Variants in ADGRD1 observed in about 807,000 individuals in gnomAD.
ADGRD1 encodes adhesion G protein-coupled receptor D1, also known as G-protein coupled receptor 133.
In ADGRD1, 77 loss-of-function variants were observed where a neutral mutation model predicts 113.4. The observed-to-expected ratio is 0.68, with a 90% confidence interval of 0.57 to 0.82. The LOEUF is 0.82. ADGRD1 is among the 40% of genes least tolerant of loss of function. The pLI is 0.00. For synonymous variants in ADGRD1, 474 were observed against 475.0 expected, an observed-to-expected ratio of 1.00 and a Z score of 0.03; for missense variants, 1,036 against 1,139.1, an observed-to-expected ratio of 0.91 and a Z score of 1.30.
intron 12 of ADGRD1, among the ~76,000 whole-genome samples, chr12:131,006,518 G>A (rs1446468851): frequency 6.6e-6 from 1 of 152,190 alleles, no homozygotes; most frequent in Non-Finnish European, 1.5e-5. Flanking sequence ...CGGGGACCCC[G>A]AGGACGCCGT....
At chr12:131,034,916 C>T (rs1427273959) in intron 13 of ADGRD1, among the ~76,000 whole-genome samples, 1 of 152,218 alleles carries the variant, frequency 6.6e-6, no homozygotes, top group African/African-American at 2.4e-5. Flanking sequence ...CCCACGCCTA[C>T]AGCTGCTCCT....
intron 14 of ADGRD1, among the ~76,000 whole-genome samples, chr12:131,077,756 G>C (rs1282969748): frequency 3.3e-5 from 5 of 151,764 alleles, no homozygotes; most frequent in African/African-American, 1.2e-4. Context: ...TTGTTTTTTT[G>C]AGACAGGGTC....
chr12:130,989,916 A>G (rs1303301810), intron 6 of ADGRD1: 7 of 152,264 alleles, frequency 4.6e-5, no homozygotes, highest in Admixed American at 6.5e-5. Context: ...AGATACGTGT[A>G]ATCGGAAAGC....
rs903184478 is a variant in ADGRD1 at position 131,139,257 on chromosome 12, C to A, written c.2619C>A (p.Ala873=). The change falls in exon 25 of 25, where the codon GCC becomes GCA. Residue 873 remains alanine, a synonymous_variant. Coordinates refer to ENST00000261654, the MANE Select transcript of ADGRD1 (RefSeq NM_198827.5). ...CTGCCCACCGCGTCGACCTGTCAGC[C>A]GTGTGAGCCGGGAGGCTGCCAACCA... The part of the protein sequence containing the change: ...SHSAHRVDLS[A]V The A allele has an allele frequency of 1.2e-6, 2 of 1,611,086 alleles. No homozygotes were observed. The highest frequency in any genetic ancestry group is 8.5e-7 in the Non-Finnish European group (1 of 1,178,804).
intron 23 of ADGRD1, 62 bp downstream of exon 23, chr12:131,137,076 A>G (rs1430766186): frequency 2.2e-6 from 3 of 1,343,868 alleles, no homozygotes; most frequent in African/African-American, 2.9e-5. Flanking sequence ...CCGAAAGGTC[A>G]CAGGAGCAGG....
rs141071968 is a variant in ADGRD1, at chr12:130,992,260, C to T, written c.834C>T (p.Pro278=). 6.0e-5 allele frequency: 97 copies of T among 1,613,048 alleles called. No homozygotes were observed. In the African/African-American group the frequency reaches 9.7e-4, roughly 16 times the overall value. The change falls in exon 8 of 25, where the codon CCC becomes CCT. Residue 278 remains proline, a synonymous_variant. Coordinates refer to ENST00000261654, the MANE Select transcript of ADGRD1 (RefSeq NM_198827.5). ...AGATGCCCACAGATGCCTACCATCCCATCATAACCAACCTGACAGAAGAGA... is the reference window on the plus strand; with the variant it reads ...AGATGCCCACAGATGCCTACCATCCTATCATAACCAACCTGACAGAAGAGA... ...SPVMPTDAYH[P]IITNLTEERK...
At chr12:131,051,593 C>T (rs762989836) in intron 13 of ADGRD1, among the ~76,000 whole-genome samples, 2 of 151,556 alleles carry the variant, frequency 1.3e-5, no homozygotes, top group Non-Finnish European at 2.9e-5. Context: ...AAGCTATTCT[C>T]GTCCTTCAGC....
In ADGRD1 at chr12:130,966,902, G is replaced by A. The variant is rs1176101166; in HGVS notation, c.187+356G>A. On this transcript the variant is annotated intron_variant, in intron 3 of 24. Coordinates refer to ENST00000261654, the MANE Select transcript of ADGRD1 (RefSeq NM_198827.5). The surrounding 1 kb of genome is among the most constrained non-coding windows in gnomAD (Gnocchi z 4.6). ...CCCAAAGTGCTGGAATTACAGGCGT[G>A]AGCCACTGTGCCAGGCCACGAAGCA... 4.6e-6 allele frequency: 2 copies of A among 438,440 alleles called. No homozygotes were observed. The highest frequency in any genetic ancestry group is 9.4e-6 in the Non-Finnish European group (2 of 213,592). 27.2% of individuals were successfully genotyped at this position (438,440 alleles called of 1,614,324 possible).
In ADGRD1 at chr12:131,131,835, G is replaced by T. The variant is rs141140013; in HGVS notation, c.2267+19G>T. The T allele has an allele frequency of 2.0e-6, 3 of 1,480,628 alleles. No individual in the cohort carries two copies. Among genetic ancestry groups the T allele is most frequent in the Non-Finnish European group, 2.8e-6 (3 of 1,058,072 alleles). The allele number at this position is 1,480,628 out of a possible 1,614,324, so 91.7% of individuals were successfully genotyped here. Reference sequence around the variant, plus strand: ...CCTTCAAGTAAGTTGACCTCAGGCTGCCAGCAGTGCCACGGCCCTTCTGCC... The same window carrying T: ...CCTTCAAGTAAGTTGACCTCAGGCTTCCAGCAGTGCCACGGCCCTTCTGCC... On this transcript the variant is annotated intron_variant, in intron 21 of 24. Transcript: ENST00000261654.
At chr12:130,975,361 C>T (rs1243716572) in intron 4 of ADGRD1, among the ~76,000 whole-genome samples, 1 of 152,208 alleles carries the variant, frequency 6.6e-6, no homozygotes, top group Non-Finnish European at 1.5e-5. Flanking sequence ...AGGACTGAGT[C>T]TGCCTTGGCC....
chr12:130,995,747 T>TC (rs755019504), intron 8 of ADGRD1, among the ~76,000 whole-genome samples: 103 of 149,460 alleles, frequency 6.9e-4, no homozygotes, highest in Non-Finnish European at 1.3e-3. Context: ...TTTTTTTTTT[T>TC]CAACCTGTTT....
rs754003176 is a variant in ADGRD1 at position 131,000,475 on chromosome 12, C to T, written c.1026+33C>T. Reference sequence around the variant, plus strand: ...AAAAGAACATGGTCGGTCATGGTGGCTCATACCTATAATCCCAGCACTTTG... The same window carrying T: ...AAAAGAACATGGTCGGTCATGGTGGTTCATACCTATAATCCCAGCACTTTG... On this transcript the variant is annotated intron_variant, in intron 9 of 24. Transcript: ENST00000261654. The T allele has an allele frequency of 3.4e-5, 53 of 1,567,150 alleles. No individual in the cohort carries two copies. In the Admixed American group the frequency reaches 6.4e-4, roughly 19 times the overall value.
intron 9 of ADGRD1, chr12:131,002,785 C>T: frequency 2.4e-6 from 3 of 1,243,362 alleles, no homozygotes; most frequent in Admixed American, 2.9e-5. Flanking sequence ...CTGGTGTCCC[C>T]ATCCCAGAGT....
intron 14 of ADGRD1, among the ~76,000 whole-genome samples, chr12:131,083,685 A>G (rs984178657): frequency 1.3e-5 from 2 of 152,244 alleles, no homozygotes; most frequent in Admixed American, 6.5e-5. Flanking sequence ...TCACACCAAC[A>G]GGTTTAACCA....
rs140772977 is a variant in ADGRD1, at chr12:130,993,332, C to T, written c.966+940C>T. ...TCTTGGAATGGAGGGAGGTTGCCCTCAGCTTTTCTGTCCACGTAAGAGAAG... is the reference window on the plus strand; with the variant it reads ...TCTTGGAATGGAGGGAGGTTGCCCTTAGCTTTTCTGTCCACGTAAGAGAAG... On this transcript the variant is annotated intron_variant, in intron 8 of 24. Coordinates refer to ENST00000261654, the MANE Select transcript of ADGRD1 (RefSeq NM_198827.5). Among the ~76,000 whole-genome samples the T allele has an allele frequency of 4.0e-5, 6 of 151,784 alleles. No homozygotes were observed. In the South Asian group the frequency reaches 6.3e-4, roughly 16 times the overall value.
chr12:131,054,188 ACC>A (rs1016633596), intron 13 of ADGRD1, among the ~76,000 whole-genome samples: 2 of 152,250 alleles, frequency 1.3e-5, no homozygotes, highest in Non-Finnish European at 2.9e-5. Context: ...CAAAGCATTT[ACC>A]CATAAAACCA....
At position 131,017,569 on chromosome 12, in the gene ADGRD1, T is replaced by G. The variant is rs572018058; in HGVS notation, c.1473+3229T>G. On this transcript the variant is annotated intron_variant, in intron 13 of 24. Coordinates refer to ENST00000261654, the MANE Select transcript of ADGRD1 (RefSeq NM_198827.5). ...ACACACACTCACTCCACACACTCAG[T>G]CCACACACACTCAGTCCACACACTC... 4.2e-5 allele frequency among the ~76,000 whole-genome samples: 5 copies of G among 118,988 alleles called. No homozygotes were observed. The East Asian group carries it at 1.1e-3, about 25-fold the overall frequency. The allele number at this position is 118,988 out of a possible 152,430, so 78.1% of individuals were successfully genotyped here. A position where few individuals can be genotyped will look rare whatever the true frequency, so the allele number is the denominator to read the frequency against.
chr12:130,963,003 T>G (rs1343805115), intron 2 of ADGRD1: 1 of 152,198 alleles, frequency 6.6e-6, no homozygotes. Flanking sequence ...CCTTAAAATA[T>G]TTCTAAAGGA....
At position 131,040,263 on chromosome 12, in the gene ADGRD1, C is replaced by A. The variant is rs141268639; in HGVS notation, c.1473+25923C>A. Among the ~76,000 whole-genome samples the A allele has an allele frequency of 5.7e-3, 865 of 152,300 alleles. 9 individuals carry two copies. Among genetic ancestry groups the A allele is most frequent in the African/African-American group, 0.02 (834 of 41,556 alleles). ...GTGCGGAGAAGTCAGTGGCTTCCTC[C>A]TCTCCCTCCTGCTCTTCATCCTCCC... On this transcript the variant is annotated intron_variant, in intron 13 of 24. Transcript: ENST00000261654.
Sources: gnomAD v4.1 joint callset for allele counts (sites outside exome capture counted in the v4.1 genomes callset) on GRCh38, gnomAD v4.1.1 for gene constraint, Gnocchi (gnomAD v3.1) non-coding constraint, MANE v1.5 for transcripts, NCBI Gene and HGNC (gene_info 2026-07-23, HGNC 2026-07-21) for gene names.